The following TOX variants were observed in gnomAD, a reference collection of about 807,000 sequenced individuals.
TOX encodes thymocyte selection associated high mobility group box.
TOX carries 11 observed loss-of-function variants against 53.7 expected under a neutral mutation model. The ratio of observed to expected loss-of-function variants is 0.20; its 90% confidence interval spans 0.13 to 0.34. The LOEUF (loss-of-function observed/expected upper bound fraction) is 0.34. Ranked by LOEUF, TOX falls within the 10% of genes least tolerant of loss-of-function variation. The pLI is 1.00. For synonymous variants in TOX, 225 were observed against 245.3 expected (o/e 0.92, Z 0.77); for missense variants, 570 against 664.6 (o/e 0.86, Z 1.56).
intron 1 of TOX, among the ~76,000 whole-genome samples, chr8:59,017,394 C>T (rs420969): frequency 0.92 from 140,829 of 152,256 alleles, 65,197 homozygotes; most frequent in East Asian, 1. Flanking sequence ...CTACAATATC[C>T]TTCAAAATGG....
At chr8:59,092,621 C>A (rs577393711) in intron 1 of TOX, among the ~76,000 whole-genome samples, 23 of 151,996 alleles carry the variant, frequency 1.5e-4, no homozygotes, top group Admixed American at 2.6e-4. Context: ...TCTAGCCCCA[C>A]CCTTCACTCT....
intron 1 of TOX, among the ~76,000 whole-genome samples, chr8:58,964,114 G>T (rs1321315765): frequency 2.6e-5 from 4 of 152,050 alleles, no homozygotes; most frequent in African/African-American, 9.7e-5. Flanking sequence ...AAAAAGAAAA[G>T]AAAGTACAGA....
intron 1 of TOX, among the ~76,000 whole-genome samples, chr8:59,098,113 A>C (rs1163924876): frequency 6.6e-6 from 1 of 152,112 alleles, no homozygotes; most frequent in African/African-American, 2.4e-5. Context: ...GAAAAAGGGC[A>C]CCTACAGGAA....
At chr8:59,038,084 A>C (rs1477453312) in intron 1 of TOX, among the ~76,000 whole-genome samples, 2 of 152,188 alleles carry the variant, frequency 1.3e-5, no homozygotes, top group Non-Finnish European at 2.9e-5. Context: ...TTAAATCCTG[A>C]ATTAGGTATC....
chr8:59,032,330 T>C (rs1333086407), intron 1 of TOX, among the ~76,000 whole-genome samples: 1 of 152,212 alleles, frequency 6.6e-6, no homozygotes, highest in East Asian at 1.9e-4. Context: ...ACAGAAATAA[T>C]GTCCAATGTT....
At chr8:58,969,251 TC>T (rs953579288) in intron 1 of TOX, among the ~76,000 whole-genome samples, 12 of 152,228 alleles carry the variant, frequency 7.9e-5, no homozygotes, top group African/African-American at 2.7e-4. Context: ...ATTTATTTTT[TC>T]AGATTGCAGA....
chr8:58,929,617 T>C (rs1402104820), intron 3 of TOX, among the ~76,000 whole-genome samples: 4 of 152,164 alleles, frequency 2.6e-5, no homozygotes, highest in Non-Finnish European at 5.9e-5. Context: ...ATTGTTCTCC[T>C]GAAAAATATT....
At chr8:59,103,224 C>G (rs1804837644) in intron 1 of TOX, among the ~76,000 whole-genome samples, 1 of 152,044 alleles carries the variant, frequency 6.6e-6, no homozygotes, top group African/African-American at 2.4e-5. Flanking sequence ...GCTTTCTTAT[C>G]AAAAGTAGAG....
At chr8:58,877,242 T>A (rs995920742) in intron 3 of TOX, among the ~76,000 whole-genome samples, 2 of 152,212 alleles carry the variant, frequency 1.3e-5, no homozygotes, top group Admixed American at 6.5e-5. Flanking sequence ...GGTGGTCTAT[T>A]GCAGCATTAC....
intron 1 of TOX, among the ~76,000 whole-genome samples, chr8:59,034,181 T>C (rs561511252): frequency 6.6e-6 from 1 of 152,356 alleles, no homozygotes; most frequent in African/African-American, 2.4e-5. Flanking sequence ...GTTTGAGAGA[T>C]TGTATCTGTC....
In TOX at chr8:58,805,548, G is replaced by A. The variant is rs920972220; in HGVS notation, c.*2199C>T. 2.0e-5 allele frequency: 3 copies of A among 152,566 alleles called. No homozygotes were observed. The highest frequency in any genetic ancestry group is 2.0e-4 in the Admixed American group (3 of 15,264). 9.5% of individuals were successfully genotyped at this position (152,566 alleles called of 1,614,324 possible). On this transcript the variant is annotated 3_prime_UTR_variant, in exon 9 of 9. Coordinates refer to ENST00000361421, the MANE Select transcript of TOX (RefSeq NM_014729.3). ...GCTCTAGAAAAGCTGTAAACAACAC[G>A]GCACTGTGCTTTCCTGCACAAACCG...
In TOX at chr8:59,063,916, G is replaced by A. The variant is rs191633172; in HGVS notation, c.102+54970C>T. 4.7e-3 allele frequency among the ~76,000 whole-genome samples: 704 copies of A among 151,316 alleles called. 11 individuals are homozygous for A. In the South Asian group the frequency reaches 0.07, roughly 15 times the overall value. On this transcript the variant is annotated intron_variant, in intron 1 of 8. Transcript: ENST00000361421. ...ATCATGTATGTGTGTGTGTGTGTTC[G>A]TGTGTGTGTGTGTTCGTGTGTGTAT...
intron 4 of TOX, among the ~76,000 whole-genome samples, chr8:58,850,223 A>G (rs1295632786): frequency 6.6e-6 from 1 of 152,218 alleles, no homozygotes; most frequent in African/African-American, 2.4e-5. Context: ...GGTAAGACAG[A>G]AAACATGGAA....
intron 1 of TOX, among the ~76,000 whole-genome samples, chr8:58,985,385 A>T (rs1319680086): frequency 6.6e-6 from 1 of 152,216 alleles, no homozygotes; most frequent in East Asian, 1.9e-4. Context: ...TAAGCCAGAT[A>T]CAGAAAATAA....
At chr8:59,040,577 T>C (rs1489995919) in intron 1 of TOX, among the ~76,000 whole-genome samples, 1 of 152,172 alleles carries the variant, frequency 6.6e-6, no homozygotes, top group Non-Finnish European at 1.5e-5. Context: ...TGTATAACTG[T>C]CAACAAGACC....
chr8:59,079,256 A>C (rs1452288250), intron 1 of TOX, among the ~76,000 whole-genome samples: 1 of 152,222 alleles, frequency 6.6e-6, no homozygotes. Context: ...AATTTTAGTT[A>C]TGCAAATATA....
At chr8:59,029,308 G>A (rs1272788367) in intron 1 of TOX, among the ~76,000 whole-genome samples, 3 of 141,854 alleles carry the variant, frequency 2.1e-5, no homozygotes, top group Non-Finnish European at 4.5e-5. Context: ...CTGGAAAACT[G>A]CCAGCATGTA....
rs141968639 is a variant in TOX, at chr8:58,964,286, C to A, written c.103-4278G>T. Among the ~76,000 whole-genome samples, 512 of 152,190 alleles carry A rather than the reference C, an allele frequency of 3.4e-3. 1 individual carries two copies. The highest frequency in any genetic ancestry group is 6.8e-3 in the Middle Eastern group (2 of 294). On this transcript the variant is annotated intron_variant, in intron 1 of 8. Coordinates refer to ENST00000361421, the MANE Select transcript of TOX (RefSeq NM_014729.3). The stretch of plus-strand genomic sequence containing the variant: ...CCTCTCTCCAAAGAATCTTGAGCTG[C>A]CAAATAAAAATACGTATGTGTATCA...
chr8:59,105,634 A>G (rs938017765), intron 1 of TOX, among the ~76,000 whole-genome samples: 2 of 152,184 alleles, frequency 1.3e-5, no homozygotes, highest in South Asian at 4.1e-4. Context: ...GAACAAAGTT[A>G]TAAGTCCCTA....
Sources: allele counts gnomAD v4.1 joint callset (sites outside exome capture counted in the v4.1 genomes callset), GRCh38; gene constraint gnomAD v4.1.1; transcripts MANE v1.5; gene names NCBI Gene and HGNC (gene_info 2026-07-23, HGNC 2026-07-21).